CNTN5: variants seen among roughly 807,000 people sequenced by gnomAD.
CNTN5 encodes contactin 5, also known as contactin-5.
Under a neutral mutation model 129.1 loss-of-function variants are expected in CNTN5, and 77 were observed. The ratio of observed to expected loss-of-function variants is 0.60; its 90% confidence interval spans 0.50 to 0.72. CNTN5 has a LOEUF of 0.72. Among genes scored for constraint, CNTN5 ranks in the 30% least tolerant of loss-of-function variants. CNTN5 has a pLI of 0.00. For missense variants in CNTN5, 1,478 were observed against 1,328.8 expected (o/e 1.11, Z -1.75); for synonymous variants, 509 against 465.6 (o/e 1.09, Z -1.20).
intron 2 of CNTN5, among the ~76,000 whole-genome samples, chr11:99,326,458 T>C (rs1470330696): frequency 6.6e-6 from 1 of 152,196 alleles, no homozygotes; most frequent in African/African-American, 2.4e-5. Context: ...TTTCAGTACC[T>C]TCAAGCTTGA....
intron 13 of CNTN5, among the ~76,000 whole-genome samples, chr11:100,103,762 A>G (rs1443956808): frequency 6.6e-6 from 1 of 152,156 alleles, no homozygotes; most frequent in Non-Finnish European, 1.5e-5. Flanking sequence ...ACTGGAAGCT[A>G]TAATAGACCA....
chr11:99,744,195 A>C (rs1342766483), intron 3 of CNTN5, among the ~76,000 whole-genome samples: 1 of 152,082 alleles, frequency 6.6e-6, no homozygotes, highest in African/African-American at 2.4e-5. Flanking sequence ...TAAACAAAGC[A>C]ACCAATTTTC....
At chr11:99,779,116 A>T (rs1145380) in intron 3 of CNTN5, among the ~76,000 whole-genome samples, 2 of 151,592 alleles carry the variant, frequency 1.3e-5, no homozygotes, top group Non-Finnish European at 2.9e-5. Context: ...TTTTAATATC[A>T]TATTATGAAT....
intron 3 of CNTN5, among the ~76,000 whole-genome samples, chr11:99,812,125 A>G (rs1473277813): frequency 1.3e-5 from 2 of 152,148 alleles, no homozygotes; most frequent in Non-Finnish European, 2.9e-5. Flanking sequence ...CTGAACAGGA[A>G]TATGGAGAAA....
chr11:99,232,919 G>A (rs541015369), intron 1 of CNTN5, among the ~76,000 whole-genome samples: 96 of 152,214 alleles, frequency 6.3e-4, no homozygotes, highest in African/African-American at 2.3e-3. Context: ...AGGGAATAAA[G>A]AATATGTTAA....
At chr11:99,868,057 A>G (rs1948401978) in intron 6 of CNTN5, among the ~76,000 whole-genome samples, 1 of 152,132 alleles carries the variant, frequency 6.6e-6, no homozygotes, top group Non-Finnish European at 1.5e-5. Context: ...TCTACTAAAA[A>G]TACAAAAAAT....
chr11:100,195,523 C>T (rs1948615664), intron 15 of CNTN5, among the ~76,000 whole-genome samples: 1 of 151,808 alleles, frequency 6.6e-6, no homozygotes, highest in East Asian at 1.9e-4. Context: ...CTCCTTATTC[C>T]ACGCAAACCC....
chr11:99,323,315 G>A (rs1427002484), intron 1 of CNTN5, among the ~76,000 whole-genome samples: 1 of 152,044 alleles, frequency 6.6e-6, no homozygotes, highest in African/African-American at 2.4e-5. Flanking sequence ...ACAACATACT[G>A]TCTTAAAGAC....
chr11:99,185,000 T>C (rs1253976123), intron 1 of CNTN5, among the ~76,000 whole-genome samples: 1 of 151,500 alleles, frequency 6.6e-6, no homozygotes, highest in African/African-American at 2.4e-5. Flanking sequence ...AAGTTAGACA[T>C]AAATTAGATG....
chr11:99,845,582 C>G (rs573627206), intron 6 of CNTN5, among the ~76,000 whole-genome samples: 2 of 151,784 alleles, frequency 1.3e-5, no homozygotes, highest in Non-Finnish European at 2.9e-5. Context: ...CCGTTTCAGC[C>G]GGGATGGTGT....
intron 2 of CNTN5, among the ~76,000 whole-genome samples, chr11:99,417,459 G>T (rs949829991): frequency 2.0e-5 from 3 of 152,076 alleles, no homozygotes; most frequent in African/African-American, 7.2e-5. Context: ...CGTCAACTTG[G>T]TGTGAATGTT....
chr11:100,319,735 A>G (rs1951647678), intron 21 of CNTN5, among the ~76,000 whole-genome samples: 1 of 152,122 alleles, frequency 6.6e-6, no homozygotes, highest in South Asian at 2.1e-4. Context: ...CCTGATAAAC[A>G]CCATTTTGCT....
chr11:99,998,059 G>A (rs903506215), intron 8 of CNTN5, among the ~76,000 whole-genome samples: 2 of 152,058 alleles, frequency 1.3e-5, no homozygotes, highest in African/African-American at 2.4e-5. Context: ...TACTGAATGG[G>A]CAAAAACTGG....
At chr11:100,019,511 A>G (rs574515331) in intron 9 of CNTN5, among the ~76,000 whole-genome samples, 1 of 151,988 alleles carries the variant, frequency 6.6e-6, no homozygotes, top group South Asian at 2.1e-4. Flanking sequence ...ATGTTGTTAC[A>G]AATGACAGGA....
chr11:99,727,910 C>T (rs1450853673), intron 3 of CNTN5, among the ~76,000 whole-genome samples: 1 of 89,964 alleles, frequency 1.1e-5, no homozygotes, highest in Non-Finnish European at 2.1e-5. Context: ...CTCTATTTTA[C>T]ATAAAAAAAA....
intron 2 of CNTN5, among the ~76,000 whole-genome samples, chr11:99,495,367 C>CA (rs1267591922): frequency 2.0e-5 from 3 of 152,154 alleles, no homozygotes; most frequent in South Asian, 2.1e-4. Context: ...GACTTTGTCT[C>CA]AAAAAATTAA....
At chr11:99,992,368 T>A (rs1939165437) in intron 8 of CNTN5, among the ~76,000 whole-genome samples, 1 of 152,198 alleles carries the variant, frequency 6.6e-6, no homozygotes, top group African/African-American at 2.4e-5. Context: ...ATAATTTGCC[T>A]TAATGTTAGG....
At chr11:99,239,752 G>A (rs1411097965) in intron 1 of CNTN5, among the ~76,000 whole-genome samples, 1 of 152,050 alleles carries the variant, frequency 6.6e-6, no homozygotes, top group Non-Finnish European at 1.5e-5. Flanking sequence ...TGGGTAACAC[G>A]GTGAAACCCC....
chr11:99,567,868 A>G (rs1254600418), intron 3 of CNTN5, among the ~76,000 whole-genome samples: 2 of 152,104 alleles, frequency 1.3e-5, no homozygotes, highest in Non-Finnish European at 2.9e-5. Flanking sequence ...GGGCGGTGGG[A>G]ACTGGATTAC....
Sources: allele counts gnomAD v4.1 joint callset (sites outside exome capture counted in the v4.1 genomes callset), GRCh38; gene constraint gnomAD v4.1.1; transcripts MANE v1.5; gene names NCBI Gene and HGNC (gene_info 2026-07-23, HGNC 2026-07-21).